The following GPLD1 variants were observed in gnomAD, a reference collection of about 807,000 sequenced individuals.
GPLD1 encodes the protein phosphatidylinositol-glycan-specific phospholipase D.
GPLD1 carries 84 observed loss-of-function variants against 112.6 expected under a neutral mutation model. The ratio of observed to expected loss-of-function variants is 0.75; its 90% CI spans 0.63 to 0.89. The LOEUF is 0.89. Among genes scored for constraint, GPLD1 ranks in the 40% least tolerant of loss-of-function variants. The pLI is 0.00. For missense variants in GPLD1, 1,044 were observed against 1,051.5 expected (o/e 0.99, Z 0.10); for synonymous variants, 386 against 403.8 (o/e 0.96, Z 0.53).
At chr6:24,478,516 A>C (rs1484577422) in intron 3 of GPLD1, among the ~76,000 whole-genome samples, 1 of 152,110 alleles carries the variant, frequency 6.6e-6, no homozygotes, top group Non-Finnish European at 1.5e-5. Context: ...GTCCTTCCAG[A>C]CCCACTCCCC....
chr6:24,478,928 T>G (rs1278770727), intron 3 of GPLD1, among the ~76,000 whole-genome samples: 1 of 152,170 alleles, frequency 6.6e-6, no homozygotes, highest in Admixed American at 6.5e-5. Flanking sequence ...ATACGACTCA[T>G]GAGACAAGTT....
chr6:24,460,343 C>T lies in GPLD1; in HGVS notation c.944G>A (p.Ser315Asn). 6.2e-7 allele frequency: 1 copy of T among 1,613,010 alleles called. No individual in the cohort carries two copies. Among genetic ancestry groups the T allele is most frequent in the Non-Finnish European group, 8.5e-7 (1 of 1,178,998 alleles). The change falls in exon 12 of 25, where the codon AGT (serine) becomes AAT (asparagine). Residue 315 changes from serine (S) to asparagine (N), a missense_variant. Transcript: ENST00000230036. ...HRNLTTSLTE[S>N]VDRNINYTER... ...AGTATAGTTTATATTCCTGTCAACA[C>T]TTTCAGTTAGGGATGTAGTCAAATT...
chr6:24,472,739 T>A (rs191560998), intron 6 of GPLD1, 103 bp from the exon 7 acceptor site: 20 of 718,168 alleles, frequency 2.8e-5, no homozygotes, highest in Admixed American at 2.1e-5. Context: ...GTTTTTCACA[T>A]TATTACATGT....
intron 1 of GPLD1, among the ~76,000 whole-genome samples, chr6:24,486,829 G>C (rs1412616152): frequency 1.4e-5 from 2 of 145,428 alleles, no homozygotes; most frequent in Non-Finnish European, 3.0e-5. Flanking sequence ...AAAAAAAAAA[G>C]AAACTGTCAT....
chr6:24,451,834 G>T (rs1224412722), intron 14 of GPLD1, among the ~76,000 whole-genome samples: 1 of 152,296 alleles, frequency 6.6e-6, no homozygotes, highest in Non-Finnish European at 1.5e-5. Flanking sequence ...GGTTGCCTGG[G>T]GACACAAAAC....
At chr6:24,494,683 G>C (rs963317548) in intron 1 of GPLD1, among the ~76,000 whole-genome samples, 3 of 152,210 alleles carry the variant, frequency 2.0e-5, no homozygotes, top group Non-Finnish European at 2.9e-5. Flanking sequence ...AAAGTGAAAA[G>C]GTGACAGCAG....
At position 24,428,982 on chromosome 6, in the gene GPLD1, G is replaced by T; in HGVS notation, c.*50C>A. On this transcript the variant is annotated 3_prime_UTR_variant, in exon 25 of 25. Coordinates refer to ENST00000230036, the MANE Select transcript of GPLD1 (RefSeq NM_001503.4). ...GTCCATCAAAATGCTCACCATGGAT[G>T]TGATTCAGCATGAGAGAGGTGGGCA... 1 of 1,275,170 alleles carries T rather than the reference G, an allele frequency of 7.8e-7. No individual in the cohort carries two copies. The highest frequency in any genetic ancestry group is 1.1e-6 in the Non-Finnish European group (1 of 881,414). 79.0% of individuals were successfully genotyped at this position (1,275,170 alleles called of 1,614,324 possible).
intron 24 of GPLD1, among the ~76,000 whole-genome samples, chr6:24,430,355 G>C (rs370655857): frequency 6.6e-6 from 1 of 152,192 alleles, no homozygotes; most frequent in East Asian, 1.9e-4. Flanking sequence ...TGCAGTTGCT[G>C]TCTGACCTCG....
intron 21 of GPLD1, 71 bp from the exon 22 acceptor site, chr6:24,436,807 T>C: frequency 6.7e-7 from 1 of 1,492,188 alleles, no homozygotes; most frequent in Non-Finnish European, 9.2e-7. Flanking sequence ...GTTCCGCTAC[T>C]GGATCCTAAC....
rs1762301406 is a variant in GPLD1 at position 24,428,326 on chromosome 6, C to A, written c.*706G>T. 1 of 152,074 alleles carries A rather than the reference C, an allele frequency of 6.6e-6. No homozygotes were observed. Among genetic ancestry groups the A allele is most frequent in the Non-Finnish European group, 1.5e-5 (1 of 68,008 alleles). The allele number at this position is 152,074 out of a possible 1,614,324, so 9.4% of individuals were successfully genotyped here. ...AAAGGTGTGTCATGGGGGTTTGTTA[C>A]ACAGATTATTTCATCACCCTAAGTA... On this transcript the variant is annotated 3_prime_UTR_variant, in exon 25 of 25. Transcript: ENST00000230036.
intron 14 of GPLD1, among the ~76,000 whole-genome samples, chr6:24,453,699 C>CGTGT (rs59607870): frequency 0.098 from 14,769 of 150,402 alleles, 874 homozygotes; most frequent in Non-Finnish European, 0.13. Context: ...ACATACATTT[C>CGTGT]GTGTGTGTGT....
intron 22 of GPLD1, among the ~76,000 whole-genome samples, chr6:24,434,571 C>T (rs752752469): frequency 2.6e-5 from 4 of 152,114 alleles, no homozygotes; most frequent in Non-Finnish European, 4.4e-5. Flanking sequence ...TAAACTTCCT[C>T]GCTGATCTTT....
At chr6:24,447,459 T>G (rs900318775) in intron 17 of GPLD1, among the ~76,000 whole-genome samples, 2 of 152,064 alleles carry the variant, frequency 1.3e-5, no homozygotes, top group South Asian at 2.1e-4. Flanking sequence ...GAGGTTGTAG[T>G]GAGCCAAGAT....
intron 23 of GPLD1, 51 bp downstream of exon 23, chr6:24,433,312 G>A (rs1467159150): frequency 6.3e-7 from 1 of 1,577,892 alleles, no homozygotes. Flanking sequence ...ATAAACCAAG[G>A]GGCATTGTTT....
Position 24,433,355 on chromosome 6 carries a change from A to G in GPLD1, c.2385+8T>C, listed in dbSNP as rs1561826411. 6.2e-7 allele frequency: 1 copy of G among 1,608,590 alleles called. No homozygotes were observed. The highest frequency in any genetic ancestry group is 1.1e-5 in the South Asian group (1 of 90,970). ...TTTTCTTTCTTCAGTCTTTCAAGGG[A>G]TACTTACTTCAGGAGAAATCAATAC... On this transcript the variant is annotated splice_region_variant and intron_variant, in intron 23 of 24. Transcript: ENST00000230036.
intron 21 of GPLD1, 127 bp downstream of exon 21, chr6:24,436,986 C>G: frequency 1.2e-6 from 1 of 845,412 alleles, no homozygotes; most frequent in Non-Finnish European, 1.9e-6. Context: ...CATTCAAGAT[C>G]TGTCTAAAGG....
intron 20 of GPLD1, among the ~76,000 whole-genome samples, chr6:24,441,961 ATAGT>A (rs1313167202): frequency 6.7e-6 from 1 of 148,710 alleles, no homozygotes; most frequent in East Asian, 1.9e-4. Context: ...TATATAATAT[ATAGT>A]TATATATACA....
rs1262777866 is a variant in GPLD1, at chr6:24,495,143, G to T, written n.63C>A. 5.6e-6 allele frequency: 8 copies of T among 1,416,122 alleles called. 1 individual carries two copies. In the Admixed American group the frequency reaches 2.1e-4, roughly 37 times the overall value. The allele number at this position is 1,416,122 out of a possible 1,614,324, so 87.7% of individuals were successfully genotyped here. On this transcript the variant is annotated non_coding_transcript_exon_variant, in exon 1 of 11. Transcript: ENST00000474784. ...CGGCCCAGCTCCGCTGCTACGCTGG[G>T]CGCCTGGCGGGCCTCTCTGCGGCGC...
At chr6:24,458,331 T>A (rs1044094465) in intron 12 of GPLD1, among the ~76,000 whole-genome samples, 6 of 152,110 alleles carry the variant, frequency 3.9e-5, no homozygotes, top group Non-Finnish European at 8.8e-5. Flanking sequence ...GATTGCTTCA[T>A]CCTAAAGCCT....
Sources: gnomAD v4.1 joint callset for allele counts (sites outside exome capture counted in the v4.1 genomes callset) on GRCh38, gnomAD v4.1.1 for gene constraint, MANE v1.5 for transcripts, NCBI Gene and HGNC (gene_info 2026-07-23, HGNC 2026-07-21) for gene names.